NBAS: variants seen among roughly 807,000 people sequenced by gnomAD.
NBAS encodes the protein NBAS subunit of NRZ tethering complex.
NBAS carries 219 observed loss-of-function variants against 302.5 expected under a neutral mutation model. That is an observed-to-expected ratio of 0.72 (90% CI 0.65 to 0.81). The LOEUF is 0.81. Ranked by LOEUF, NBAS falls within the 30% of genes least tolerant of loss-of-function variation. The pLI, the probability that NBAS is intolerant of heterozygous loss-of-function variation, is 0.00. For synonymous variants in NBAS, 1,118 were observed against 1,021.6 expected (o/e 1.09, Z -1.80); for missense variants, 2,932 against 2,841.6 (o/e 1.03, Z -0.72).
At chr2:15,356,486 C>G (rs996286004) in intron 32 of NBAS, 70 bp from the exon 33 acceptor site, 2 of 1,035,832 alleles carry the variant, frequency 1.9e-6, no homozygotes, top group Admixed American at 1.7e-5. Context: ...CTTGTTAACA[C>G]TGTCTTTCAA....
At chr2:14,866,847 A>C in the NBAS span, among the ~76,000 whole-genome samples, 2 of 152,220 alleles carry the variant, frequency 1.3e-5, no homozygotes, top group South Asian at 2.1e-4. Flanking sequence ...AGATTATCTG[A>C]AATGGGCCTT....
the NBAS span, among the ~76,000 whole-genome samples, chr2:14,787,177 G>C: frequency 6.6e-6 from 1 of 152,084 alleles, no homozygotes; most frequent in African/African-American, 2.4e-5. Flanking sequence ...TTGCTTGGTA[G>C]ATCTTCCTCC....
At chr2:15,115,463 C>T in the NBAS span, among the ~76,000 whole-genome samples, 1 of 152,224 alleles carries the variant, frequency 6.6e-6, no homozygotes, top group South Asian at 2.1e-4. Flanking sequence ...GTGTGTAGCA[C>T]TTTATCAGGC....
intron 48 of NBAS, among the ~76,000 whole-genome samples, chr2:15,212,196 A>G (rs1258451068): frequency 6.6e-6 from 1 of 152,158 alleles, no homozygotes; most frequent in East Asian, 1.9e-4. Context: ...TACAGGCAAT[A>G]AGACCACTGC....
At chr2:15,455,311 A>T (rs1018535320) in intron 21 of NBAS, among the ~76,000 whole-genome samples, 6 of 152,200 alleles carry the variant, frequency 3.9e-5, no homozygotes, top group Admixed American at 2.6e-4. Context: ...TTCACTAAAT[A>T]ATTCTGTATA....
intron 38 of NBAS, among the ~76,000 whole-genome samples, chr2:15,313,797 G>A (rs895038966): frequency 1.3e-5 from 2 of 152,174 alleles, no homozygotes; most frequent in Non-Finnish European, 2.9e-5. Context: ...CAAGCCAGCT[G>A]GAGAATGTGC....
At chr2:14,784,186 C>T in the NBAS span, among the ~76,000 whole-genome samples, 32 of 151,972 alleles carry the variant, frequency 2.1e-4, 1 homozygote, top group African/African-American at 6.8e-4. Flanking sequence ...CTTGTAAATT[C>T]GTTTGAGTTC....
intron 42 of NBAS, among the ~76,000 whole-genome samples, 195 bp from the exon 43 acceptor site, chr2:15,277,296 C>T (rs1669631011): frequency 6.6e-6 from 1 of 152,206 alleles, no homozygotes; most frequent in African/African-American, 2.4e-5. Flanking sequence ...TAACATTTAA[C>T]TGACTACACA....
intron 11 of NBAS, among the ~76,000 whole-genome samples, chr2:15,502,494 T>A (rs1056936213): frequency 6.6e-6 from 1 of 152,224 alleles, no homozygotes; most frequent in Non-Finnish European, 1.5e-5. Context: ...CTGGGTGGTA[T>A]AGCCTATTGC....
intron 32 of NBAS, among the ~76,000 whole-genome samples, chr2:15,365,978 T>C (rs1674178578): frequency 6.6e-6 from 1 of 152,242 alleles, no homozygotes; most frequent in Non-Finnish European, 1.5e-5. Flanking sequence ...CAAAGCCTGC[T>C]ATTTAACCCT....
chr2:15,290,688 T>A lies in NBAS; in HGVS notation c.5027+1849A>T, dbSNP rs1572599244. The stretch of plus-strand genomic sequence containing the variant: ...TAAAGCTCTCTAGTTCTGATTCCTT[T>A]TCTTAAAAGTCAGAAGGTTGGCTTA... On this transcript the variant is annotated intron_variant, in intron 41 of 51. Transcript: ENST00000281513. Among the ~76,000 whole-genome samples the A allele has an allele frequency of 2.0e-5, 3 of 152,320 alleles. No individual in the cohort carries two copies. The South Asian group carries it at 6.2e-4, about 32-fold the overall frequency.
At chr2:15,368,191 C>CTTTT (rs1197291033) in intron 31 of NBAS, among the ~76,000 whole-genome samples, 5 of 84,890 alleles carry the variant, frequency 5.9e-5, no homozygotes, top group African/African-American at 1.1e-4. Context: ...AATGTTTTGA[C>CTTTT]TTTTTTTTTT....
chr2:15,019,972 G>A, the NBAS span, among the ~76,000 whole-genome samples: 1 of 152,140 alleles, frequency 6.6e-6, no homozygotes, highest in African/African-American at 2.4e-5. Flanking sequence ...ACCTGACTAA[G>A]ATATCTTCCT....
Position 15,473,870 on chromosome 2 carries a change from T to C in NBAS, c.1599+197A>G, listed in dbSNP as rs11900088. Among the ~76,000 whole-genome samples, 92,250 of 152,102 alleles carry C rather than the reference T, an allele frequency of 0.61. 28,943 individuals carry two copies. Among genetic ancestry groups the C allele is most frequent in the Non-Finnish European group, 0.68 (46,007 of 67,994 alleles). Reference sequence around the variant, plus strand: ...TCAGTCTAAGTGAATTCAATTTTTATCCATGGTTTTGATTTTGATTATTTA... The same window carrying C: ...TCAGTCTAAGTGAATTCAATTTTTACCCATGGTTTTGATTTTGATTATTTA... On this transcript the variant is annotated intron_variant, in intron 15 of 51. Coordinates refer to ENST00000281513, the MANE Select transcript of NBAS (RefSeq NM_015909.4).
chr2:15,391,041 TG>T (rs1438959062), intron 28 of NBAS, among the ~76,000 whole-genome samples: 1 of 150,642 alleles, frequency 6.6e-6, no homozygotes, highest in Non-Finnish European at 1.5e-5. Context: ...ACCCTGGAGG[TG>T]GGGGTTGCAG....
chr2:15,417,822 T>C, intron 23 of NBAS, 110 bp from the exon 24 acceptor site: 2 of 1,077,192 alleles, frequency 1.9e-6, no homozygotes, highest in Admixed American at 2.6e-5. Flanking sequence ...TTTTATAAAA[T>C]TGCATTACCA....
the NBAS span, among the ~76,000 whole-genome samples, chr2:14,854,099 AG>A: frequency 5.3e-5 from 8 of 151,354 alleles, no homozygotes; most frequent in Admixed American, 5.3e-4. Flanking sequence ...AATAAAAAAA[AG>A]AAGAAAATTG....
chr2:15,293,362 T>G (rs1670405000), intron 40 of NBAS, among the ~76,000 whole-genome samples: 1 of 152,182 alleles, frequency 6.6e-6, no homozygotes, highest in Non-Finnish European at 1.5e-5. Context: ...ACTCCTCTAA[T>G]TTGGGGCTCA....
chr2:14,941,003 A>G, the NBAS span, among the ~76,000 whole-genome samples: 4 of 152,228 alleles, frequency 2.6e-5, no homozygotes, highest in African/African-American at 7.2e-5. Flanking sequence ...CGTGCCAGAC[A>G]TATCTAAAAC....
Sources: gnomAD v4.1 joint callset for allele counts (sites outside exome capture counted in the v4.1 genomes callset) on GRCh38, gnomAD v4.1.1 for gene constraint, MANE v1.5 for transcripts, NCBI Gene and HGNC (gene_info 2026-07-23, HGNC 2026-07-21) for gene names.